Variants in SPOCK1 observed in about 807,000 individuals in gnomAD.
The protein encoded by SPOCK1 is testican-1.
SPOCK1 carries 23 observed loss-of-function variants against 55.3 expected under a neutral mutation model. The ratio of observed to expected loss-of-function variants is 0.42; its 90% CI spans 0.30 to 0.59. SPOCK1 has a LOEUF of 0.59. Ranked by LOEUF, SPOCK1 falls within the 20% of genes least tolerant of loss-of-function variation. The probability of loss-of-function intolerance (pLI) is 0.22; values close to 1 mark genes in which losing one functional copy is unlikely to be tolerated. For missense variants in SPOCK1, 499 were observed against 552.5 expected, an observed-to-expected ratio of 0.90 and a Z score of 0.97; for synonymous variants, 226 against 221.0, an observed-to-expected ratio of 1.02 and a Z score of -0.20.
chr5:137,390,840 G>C (rs891135510), intron 2 of SPOCK1, among the ~76,000 whole-genome samples: 17 of 152,190 alleles, frequency 1.1e-4, no homozygotes, highest in Non-Finnish European at 2.2e-4. Flanking sequence ...GTAGCTGGTG[G>C]GGGGGTGTGG....
chr5:137,394,057 A>G (rs1046031087), intron 2 of SPOCK1, among the ~76,000 whole-genome samples: 2 of 152,216 alleles, frequency 1.3e-5, no homozygotes, highest in Non-Finnish European at 2.9e-5. Flanking sequence ...CCTGGATTCC[A>G]GGCAGAGGCT....
chr5:137,428,572 G>A (rs761194144), intron 2 of SPOCK1, among the ~76,000 whole-genome samples: 1 of 152,164 alleles, frequency 6.6e-6, no homozygotes, highest in Non-Finnish European at 1.5e-5. Context: ...TGTAGACTCT[G>A]TCTACTCACT....
chr5:137,025,460 T>C (rs1340630790), intron 6 of SPOCK1, among the ~76,000 whole-genome samples: 2 of 152,194 alleles, frequency 1.3e-5, no homozygotes, highest in Non-Finnish European at 2.9e-5. Flanking sequence ...AATAAATTCA[T>C]TTAACATTTA....
In SPOCK1 at chr5:137,122,197, T is replaced by C. The variant is rs368796528; in HGVS notation, c.348-9636A>G. Among the ~76,000 whole-genome samples the C allele has an allele frequency of 7.3e-5, 11 of 151,572 alleles. No homozygotes were observed. In the East Asian group the frequency reaches 7.8e-4, roughly 11 times the overall value. On this transcript the variant is annotated intron_variant, in intron 4 of 10. Coordinates refer to ENST00000394945, the MANE Select transcript of SPOCK1 (RefSeq NM_004598.4). ...GGGGTTTTACCTCAAAGTTCAGTTG[T>C]TGAACAAGCAAGGCCCCTGAGGCCT...
At chr5:137,289,709 CA>C (rs1407628614) in intron 2 of SPOCK1, among the ~76,000 whole-genome samples, 1 of 151,818 alleles carries the variant, frequency 6.6e-6, no homozygotes, top group African/African-American at 2.4e-5. Context: ...TCTCCCACCT[CA>C]AAAAAACACC....
At chr5:137,420,439 G>C (rs1377532997) in intron 2 of SPOCK1, among the ~76,000 whole-genome samples, 2 of 151,848 alleles carry the variant, frequency 1.3e-5, no homozygotes, top group East Asian at 3.9e-4. Flanking sequence ...ACTTTTTTTT[G>C]GTTGGTAAGC....
rs75126420 is a variant in SPOCK1, at chr5:137,394,820, C to T, written c.186+103553G>A. Among the ~76,000 whole-genome samples, 350 of 152,298 alleles carry T rather than the reference C, an allele frequency of 2.3e-3. 14 individuals carry two copies. In the East Asian group the frequency reaches 0.059, roughly 26 times the overall value. ...CAGAGCAGAGTGAGTCTGTAAGGCT[C>T]ATTAAATCTGGGGGTCCTTAACCCA... is the stretch of plus-strand genomic sequence containing the variant. On this transcript the variant is annotated intron_variant, in intron 2 of 10. Transcript: ENST00000394945.
At chr5:137,258,488 A>G (rs566133513) in intron 3 of SPOCK1, among the ~76,000 whole-genome samples, 42 of 152,370 alleles carry the variant, frequency 2.8e-4, no homozygotes, top group African/African-American at 9.4e-4. Context: ...GGAAAATGCA[A>G]TAATCCATTC....
At chr5:137,063,641 GGTGAGT>G (rs1469574484) in intron 6 of SPOCK1, among the ~76,000 whole-genome samples, 1 of 152,172 alleles carries the variant, frequency 6.6e-6, no homozygotes, top group East Asian at 1.9e-4. Flanking sequence ...AGACCATGCA[GGTGAGT>G]GTTGGATTCT....
At chr5:137,110,147 G>T (rs1753441127) in intron 5 of SPOCK1, among the ~76,000 whole-genome samples, 1 of 152,220 alleles carries the variant, frequency 6.6e-6, no homozygotes, top group South Asian at 2.1e-4. Context: ...AGTGGCAAGG[G>T]AGAGCTAGCT....
chr5:137,413,940 C>A (rs994087422), intron 2 of SPOCK1, among the ~76,000 whole-genome samples: 2 of 151,992 alleles, frequency 1.3e-5, no homozygotes, highest in African/African-American at 4.8e-5. Context: ...CAGAAATTAC[C>A]CTCCCTCCAC....
intron 3 of SPOCK1, among the ~76,000 whole-genome samples, chr5:137,153,886 A>C (rs1205299358): frequency 1.3e-5 from 2 of 151,842 alleles, no homozygotes; most frequent in Admixed American, 6.6e-5. Flanking sequence ...AAAAAGAAGA[A>C]GAAGAAGAAA....
At chr5:137,353,989 T>C (rs967024679) in intron 2 of SPOCK1, among the ~76,000 whole-genome samples, 1 of 152,196 alleles carries the variant, frequency 6.6e-6, no homozygotes, top group African/African-American at 2.4e-5. Flanking sequence ...AATTTCCTGA[T>C]GTCTGCCGAA....
chr5:137,091,087 A>G (rs1385229843), intron 5 of SPOCK1, among the ~76,000 whole-genome samples: 2 of 152,284 alleles, frequency 1.3e-5, no homozygotes, highest in East Asian at 3.9e-4. Flanking sequence ...AGACACGAGC[A>G]TAGGAGAGTT....
chr5:137,211,887 T>G (rs1167349844), intron 3 of SPOCK1, among the ~76,000 whole-genome samples: 1 of 152,130 alleles, frequency 6.6e-6, no homozygotes, highest in African/African-American at 2.4e-5. Context: ...GCCACACACC[T>G]TGTCCTATGC....
At chr5:137,212,159 G>T (rs1432801065) in intron 3 of SPOCK1, among the ~76,000 whole-genome samples, 1 of 152,318 alleles carries the variant, frequency 6.6e-6, no homozygotes, top group East Asian at 1.9e-4. Flanking sequence ...GCAACTCCAG[G>T]TAGACAGTGA....
chr5:137,127,734 T>C (rs1018117583), intron 4 of SPOCK1, among the ~76,000 whole-genome samples: 7 of 152,268 alleles, frequency 4.6e-5, no homozygotes, highest in African/African-American at 1.7e-4. Context: ...CCCACAATTA[T>C]ATTTTGGAAC....
intron 2 of SPOCK1, among the ~76,000 whole-genome samples, chr5:137,478,402 C>G (rs1358221956): frequency 6.6e-6 from 1 of 151,898 alleles, no homozygotes; most frequent in Non-Finnish European, 1.5e-5. Context: ...CATTGGTATC[C>G]CAAAAAGGTG....
chr5:137,125,554 G>A (rs918922855), intron 4 of SPOCK1, among the ~76,000 whole-genome samples: 11 of 152,096 alleles, frequency 7.2e-5, no homozygotes, highest in Non-Finnish European at 1.5e-4. Flanking sequence ...GAGCTGGCTA[G>A]CTGTTCCCAC....
Sources: allele counts gnomAD v4.1 joint callset (sites outside exome capture counted in the v4.1 genomes callset), GRCh38; gene constraint gnomAD v4.1.1; transcripts MANE v1.5; gene names NCBI Gene and HGNC (gene_info 2026-07-23, HGNC 2026-07-21).